The following AMPD1 variants were observed in gnomAD, a reference collection of about 807,000 sequenced individuals.
The protein encoded by AMPD1 is AMP deaminase 1.
AMPD1 carries 74 observed loss-of-function variants against 82.9 expected under a neutral mutation model. The ratio of observed to expected loss-of-function variants is 0.89; its 90% CI spans 0.74 to 1.08. AMPD1 has a LOEUF of 1.08. Ranked by LOEUF, AMPD1 falls within the 50% of genes least tolerant of loss-of-function variation. The pLI is 0.00. For synonymous variants in AMPD1, 333 were observed against 320.5 expected (o/e 1.04, Z -0.42); for missense variants, 881 against 924.5 (o/e 0.95, Z 0.61).
chr1:114,694,622 T>C (rs1044662155), intron 1 of AMPD1, among the ~76,000 whole-genome samples: 3 of 152,142 alleles, frequency 2.0e-5, no homozygotes, highest in Non-Finnish European at 2.9e-5. Flanking sequence ...GGCAGGCAGA[T>C]TGCTTGAGCT....
chr1:114,693,291 T>C, intron 2 of AMPD1, 145 bp downstream of exon 2: 1 of 794,650 alleles, frequency 1.3e-6, no homozygotes, highest in South Asian at 1.4e-5. Flanking sequence ...GGGATATCTA[T>C]GGTCATTATG....
rs1364763818 is a variant in AMPD1 at position 114,684,428 on chromosome 1, AG to A, written c.382-65del. ...CCACGAAAAACTGAGAAGTGAGTAA[AG>A]CTTATCCTTGGCACCTCCCAGCTCT... is the stretch of plus-strand genomic sequence containing the variant. On this transcript the variant is annotated intron_variant, in intron 4 of 15. Coordinates refer to ENST00000520113, the MANE Select transcript of AMPD1 (RefSeq NM_000036.3). 4.4e-5 allele frequency: 69 copies of A among 1,564,888 alleles called. 1 individual carries two copies. In the Admixed American group the frequency reaches 7.9e-4, roughly 18 times the overall value.
chr1:114,675,073 CAAAT>C, intron 12 of AMPD1: 1 of 649,478 alleles, frequency 1.5e-6, no homozygotes, highest in Non-Finnish European at 2.6e-6. Flanking sequence ...GGTAAGGAAG[CAAAT>C]AAAGTGTTGA....
chr1:114,678,337 T>C lies in AMPD1; in HGVS notation c.1088A>G (p.His363Arg). Residue 363 changes from histidine to arginine, a missense_variant, in exon 8 of 16, where the codon CAT becomes CGT. Coordinates refer to ENST00000520113, the MANE Select transcript of AMPD1 (RefSeq NM_000036.3). ...YDLTVDSLDV[H>R]AGRQTFQRFD... ...GACATTGCCGTTTCAACCTACAGCA[T>C]GAACATCCAGAGAATCAACAGTCAG... 1.2e-6 allele frequency: 2 copies of C among 1,614,134 alleles called. No individual in the cohort carries two copies. Among genetic ancestry groups the C allele is most frequent in the Non-Finnish European group, 1.7e-6 (2 of 1,179,998 alleles).
In AMPD1 at chr1:114,694,967, G is replaced by A. The variant is rs1056067553; in HGVS notation, c.22+483C>T. ...TTCTATTTCACATGAAACATGTATT[G>A]CTTTTATCATTTAAAAATTATAACA... is the stretch of plus-strand genomic sequence containing the variant. On this transcript the variant is annotated intron_variant, in intron 1 of 15. Transcript: ENST00000520113. Among the ~76,000 whole-genome samples the A allele has an allele frequency of 2.0e-5, 3 of 151,982 alleles. No individual in the cohort carries two copies. In the South Asian group the frequency reaches 6.2e-4, roughly 32 times the overall value.
At chr1:114,676,034 A>C in intron 10 of AMPD1, 31 bp from the exon 11 acceptor site, 1 of 1,611,818 alleles carries the variant, frequency 6.2e-7, no homozygotes, top group Non-Finnish European at 8.5e-7. Flanking sequence ...AATTTAGGAG[A>C]AAAAAAGATT....
chr1:114,688,495 T>C, intron 3 of AMPD1, 66 bp downstream of exon 3: 1 of 1,553,186 alleles, frequency 6.4e-7, no homozygotes, highest in Non-Finnish European at 8.9e-7. Flanking sequence ...AATTGAACCA[T>C]ATCTTCCCTG....
intron 1 of AMPD1, 128 bp downstream of exon 1, chr1:114,695,322 G>A (rs1658642850): frequency 1.5e-6 from 2 of 1,359,806 alleles, no homozygotes; most frequent in Admixed American, 4.3e-5. Flanking sequence ...TTCCTGAAAT[G>A]TATGTTAAAG....
chr1:114,674,076 C>T lies in AMPD1; in HGVS notation c.1807G>A (p.Val603Met), dbSNP rs776521726. 50 of 1,613,178 alleles carry T rather than the reference C, an allele frequency of 3.1e-5. No individual in the cohort carries two copies. Among genetic ancestry groups the T allele is most frequent in the South Asian group, 1.4e-4 (13 of 91,022 alleles). Residue 603 changes from valine (V) to methionine (M), a missense_variant, in exon 14 of 16, where the codon GTG becomes ATG. Physicochemically the swap from Val to Met is conservative, Grantham distance 21 (BLOSUM62 1). This residue lies in a region of AMPD1 where 783 missense variants were observed against 786.4 expected (regional missense o/e 1.00). Transcript: ENST00000520113. The stretch of plus-strand genomic sequence containing the variant: ...GCTAAGAAAAACAAGTACTGTAGCA[C>T]GGGACTCTGAAAAAGAAAAGTAAAA... Reference protein sequence around the residue: ...SHGLNLKKSPVLQYLFFLAQI... With the variant: ...SHGLNLKKSPMLQYLFFLAQI...
At chr1:114,689,741 C>T (rs182492432) in intron 2 of AMPD1, among the ~76,000 whole-genome samples, 5 of 152,240 alleles carry the variant, frequency 3.3e-5, no homozygotes, top group South Asian at 2.1e-4. Context: ...CATTTGAACC[C>T]GGGAGGCAGA....
chr1:114,683,927 T>G (rs1180420756), intron 5 of AMPD1, among the ~76,000 whole-genome samples: 2 of 152,004 alleles, frequency 1.3e-5, no homozygotes, highest in Non-Finnish European at 2.9e-5. Flanking sequence ...AGACTGAAAT[T>G]TTGCAGAGTA....
intron 10 of AMPD1, 76 bp downstream of exon 10, chr1:114,677,275 T>C: frequency 6.3e-7 from 1 of 1,577,018 alleles, no homozygotes; most frequent in Non-Finnish European, 8.7e-7. Context: ...GGGCAACACG[T>C]TCCTTGTTCA....
chr1:114,688,798 G>C, intron 2 of AMPD1, 57 bp from the exon 3 acceptor site: 1 of 1,589,842 alleles, frequency 6.3e-7, no homozygotes, highest in Non-Finnish European at 8.6e-7. Flanking sequence ...TCAGCTGAGA[G>C]TTTCTGCTAT....
At chr1:114,675,160 C>T (rs1455904653) in intron 12 of AMPD1, among the ~76,000 whole-genome samples, 2 of 152,158 alleles carry the variant, frequency 1.3e-5, no homozygotes, top group African/African-American at 4.8e-5. Context: ...TTATTCTATT[C>T]TATTCAAATT....
At chr1:114,692,440 C>A (rs1441612017) in intron 2 of AMPD1, among the ~76,000 whole-genome samples, 1 of 152,148 alleles carries the variant, frequency 6.6e-6, no homozygotes, top group African/African-American at 2.4e-5. Context: ...AATCATAGCA[C>A]TTTGGGAGGC....
intron 10 of AMPD1, 108 bp downstream of exon 10, chr1:114,677,243 C>T (rs1658013780): frequency 6.7e-7 from 1 of 1,490,132 alleles, no homozygotes; most frequent in Middle Eastern, 1.7e-4. Context: ...GCTGTTTTAA[C>T]AAAGCTGATT....
At position 114,688,609 on chromosome 1, in the gene AMPD1, G is replaced by A. The variant is rs2101724016; in HGVS notation, c.167C>T (p.Ala56Val). The change falls in exon 3 of 16, where the codon GCA becomes GTA. Residue 56 changes from alanine to valine, a missense_variant. Ala to Val is a moderately conservative substitution (Grantham distance 64, BLOSUM62 0). Around this residue, in one of 2 missense-constraint regions of AMPD1, gnomAD observed 783 missense variants for 786.4 expected, o/e 1.00. Transcript: ENST00000520113. ...CAGAGTCTCCAGATGGAATATGTGT[G>A]CTTGCATCTCATGATGAGAAATCGG... ...ICPISHHEMQ[A>V]HIFHLETLST... The A allele has an allele frequency of 6.2e-7, 1 of 1,614,180 alleles. No homozygotes were observed. The highest frequency in any genetic ancestry group is 1.3e-5 in the African/African-American group (1 of 75,040).
At chr1:114,693,219 T>C (rs1658570743) in intron 2 of AMPD1, among the ~76,000 whole-genome samples, 1 of 149,448 alleles carries the variant, frequency 6.7e-6, no homozygotes, top group Non-Finnish European at 1.5e-5. Context: ...TAATTATATA[T>C]ATATATATGT....
intron 7 of AMPD1, 24 bp downstream of exon 7, chr1:114,679,555 C>T (rs1464288267): frequency 1.2e-6 from 2 of 1,613,252 alleles, no homozygotes; most frequent in South Asian, 1.1e-5. Flanking sequence ...CCAGGAATTA[C>T]CCCTGAGCAA....
Sources: allele counts gnomAD v4.1 joint callset (sites outside exome capture counted in the v4.1 genomes callset), GRCh38; gene constraint gnomAD v4.1.1; regional missense constraint gnomAD v4.1.1; transcripts MANE v1.5; gene names NCBI Gene and HGNC (gene_info 2026-07-23, HGNC 2026-07-21).